The following CHN1 variants were observed in gnomAD, a reference collection of about 807,000 sequenced individuals.
The protein encoded by CHN1 is N-chimaerin.
CHN1 carries 37 observed loss-of-function variants against 59.5 expected under a neutral mutation model. That is an observed-to-expected ratio of 0.62 (90% CI 0.48 to 0.82). CHN1 has a LOEUF of 0.82. CHN1 is among the 40% of genes least tolerant of loss of function. The pLI, the probability that CHN1 is intolerant of heterozygous loss-of-function variation, is 0.00. For missense variants in CHN1, 469 were observed against 571.0 expected (o/e 0.82, Z 1.82); for synonymous variants, 206 against 200.4 (o/e 1.03, Z -0.24).
chr2:174,965,640 A>T (rs1029123843), intron 1 of CHN1, among the ~76,000 whole-genome samples: 15 of 152,224 alleles, frequency 9.9e-5, no homozygotes, highest in South Asian at 2.1e-4. Flanking sequence ...TTTGAATTGT[A>T]TAAACAGAAT....
intron 1 of CHN1, among the ~76,000 whole-genome samples, chr2:174,956,022 A>T (rs1041180328): frequency 3.3e-5 from 5 of 152,196 alleles, no homozygotes; most frequent in African/African-American, 1.2e-4. Context: ...ATGTATCCCC[A>T]TATCTAAAAT....
At chr2:174,836,516 G>A (rs1686086600) in intron 7 of CHN1, among the ~76,000 whole-genome samples, 1 of 152,092 alleles carries the variant, frequency 6.6e-6, no homozygotes. Flanking sequence ...GGATTCTTTT[G>A]TCATCCATGT....
At chr2:174,837,811 C>T (rs1029211204) in intron 7 of CHN1, among the ~76,000 whole-genome samples, 1 of 152,222 alleles carries the variant, frequency 6.6e-6, no homozygotes, top group Admixed American at 6.5e-5. Context: ...CATTGCTTGT[C>T]ACGTTTTCAT....
intron 5 of CHN1, among the ~76,000 whole-genome samples, chr2:174,904,942 TGG>T (rs1275159428): frequency 6.6e-6 from 1 of 152,186 alleles, no homozygotes; most frequent in African/African-American, 2.4e-5. Context: ...CCAGTCACAC[TGG>T]GCCATGATCA....
intron 7 of CHN1, among the ~76,000 whole-genome samples, chr2:174,830,143 G>C (rs999030782): frequency 5.9e-5 from 9 of 152,098 alleles, no homozygotes; most frequent in Admixed American, 5.9e-4. Flanking sequence ...TGAGGCAGGA[G>C]AATGGCATGA....
rs35826463 is a variant in CHN1, at chr2:174,975,655, C to CAA, written c.20-23455_20-23454dup. On this transcript the variant is annotated intron_variant, in intron 1 of 12. Coordinates refer to ENST00000409900, the MANE Select transcript of CHN1 (RefSeq NM_001822.7). ...AGCCAGGCAAAAAAAACAAAACAAA[C>CAA]AAAAAAAAAAAAAACAGAAGCAATG... Among the ~76,000 whole-genome samples, 261 of 125,116 alleles carry CAA rather than the reference C, an allele frequency of 2.1e-3. 1 individual carries two copies. The highest frequency in any genetic ancestry group is 7.2e-3 in the African/African-American group (236 of 32,614). 82.1% of individuals were successfully genotyped at this position (125,116 alleles called of 152,430 possible).
intron 5 of CHN1, among the ~76,000 whole-genome samples, chr2:174,878,521 G>T (rs1687643074): frequency 6.6e-6 from 1 of 152,064 alleles, no homozygotes; most frequent in Non-Finnish European, 1.5e-5. Context: ...TCTTCAAGTT[G>T]ATCAATAAGA....
chr2:174,870,008 A>G (rs2105463896), intron 6 of CHN1, among the ~76,000 whole-genome samples: 1 of 152,340 alleles, frequency 6.6e-6, no homozygotes, highest in East Asian at 1.9e-4. Context: ...TAAGTATAAG[A>G]TGAAGTAATG....
intron 3 of CHN1, among the ~76,000 whole-genome samples, chr2:174,929,660 C>CA (rs1689276832): frequency 6.6e-6 from 1 of 151,888 alleles, no homozygotes; most frequent in Admixed American, 6.6e-5. Flanking sequence ...TTTCAGTTTT[C>CA]AAAAAATCAG....
chr2:174,880,541 A>C (rs1196222228), intron 5 of CHN1, among the ~76,000 whole-genome samples: 1 of 152,188 alleles, frequency 6.6e-6, no homozygotes, highest in Non-Finnish European at 1.5e-5. Flanking sequence ...AGAGCCATAA[A>C]GGGGGAGATT....
At position 174,800,272 on chromosome 2, in the gene CHN1, T is replaced by C; in HGVS notation, c.1224A>G (p.Glu408=). 7.0e-7 allele frequency: 1 copy of C among 1,436,622 alleles called. No homozygotes were observed. The highest frequency in any genetic ancestry group is 1.4e-5 in the African/African-American group (1 of 70,426). 89.0% of individuals were successfully genotyped at this position (1,436,622 alleles called of 1,614,324 possible). A position where few individuals can be genotyped will look rare whatever the true frequency, so the allele number is the denominator to read the frequency against. The part of the protein sequence containing the change: ...MAHLKRVTLH[E]KENLMNAENL... ...TCTCTGCATTCATAAGATTCTCCTT[T>C]TCGTGGAGGGTCACTCTGAAAAATG... Residue 408 remains glutamate, a synonymous_variant, in exon 13 of 13, where the codon GAA becomes GAG. Coordinates refer to ENST00000409900, the MANE Select transcript of CHN1 (RefSeq NM_001822.7).
intron 5 of CHN1, among the ~76,000 whole-genome samples, chr2:174,878,784 T>C (rs1349466888): frequency 1.3e-5 from 2 of 152,270 alleles, no homozygotes; most frequent in Non-Finnish European, 2.9e-5. Flanking sequence ...TTGAAATACA[T>C]ACGGCACAAA....
Position 174,963,493 on chromosome 2 carries a change from G to A in CHN1, c.20-11291C>T, listed in dbSNP as rs573811204. ...GCAGAAGGACACTAAACAGAGGAGA[G>A]AACACAGTGAAAAAGAGGGCAGAAA... On this transcript the variant is annotated intron_variant, in intron 1 of 12. Transcript: ENST00000409900. 6.6e-5 allele frequency among the ~76,000 whole-genome samples: 10 copies of A among 152,266 alleles called. No homozygotes were observed. In the South Asian group the frequency reaches 2.1e-3, roughly 32 times the overall value.
chr2:174,834,036 G>T (rs1018828035), intron 7 of CHN1, among the ~76,000 whole-genome samples: 1 of 152,030 alleles, frequency 6.6e-6, no homozygotes, highest in Non-Finnish European at 1.5e-5. Flanking sequence ...AAACCCCAGG[G>T]CTCAAACTGT....
At chr2:174,854,387 A>G (rs1385744630) in intron 6 of CHN1, among the ~76,000 whole-genome samples, 1 of 152,082 alleles carries the variant, frequency 6.6e-6, no homozygotes, top group Admixed American at 6.6e-5. Context: ...GAAATAGGTG[A>G]CCTTGAATAG....
chr2:174,904,187 C>T (rs1302469854), intron 5 of CHN1, among the ~76,000 whole-genome samples: 1 of 151,548 alleles, frequency 6.6e-6, no homozygotes, highest in Non-Finnish European at 1.5e-5. Flanking sequence ...CGCTTGAACC[C>T]GGGAGGTGGA....
In CHN1 at chr2:174,920,792, T is replaced by C. The variant is rs142602903; in HGVS notation, c.115-2227A>G. 2.6e-3 allele frequency among the ~76,000 whole-genome samples: 391 copies of C among 152,262 alleles called. 1 individual carries two copies. Among genetic ancestry groups the C allele is most frequent in the Non-Finnish European group, 4.5e-3 (305 of 67,998 alleles). The stretch of plus-strand genomic sequence containing the variant: ...ACCAGGGCAGGAGCGGGGGTATGGT[T>C]TCAGGATGATTCAAGCACATTGCAC... On this transcript the variant is annotated intron_variant, in intron 3 of 12. Coordinates refer to ENST00000409900, the MANE Select transcript of CHN1 (RefSeq NM_001822.7).
intron 11 of CHN1, among the ~76,000 whole-genome samples, chr2:174,802,864 C>T (rs938037699): frequency 2.6e-5 from 4 of 152,006 alleles, no homozygotes; most frequent in African/African-American, 7.3e-5. Flanking sequence ...ATGGTGAAAC[C>T]CCGTCTCTAC....
intron 7 of CHN1, among the ~76,000 whole-genome samples, chr2:174,824,721 C>T (rs1447646475): frequency 6.6e-6 from 1 of 152,100 alleles, no homozygotes; most frequent in Non-Finnish European, 1.5e-5. Context: ...AGTGATCCTC[C>T]CACCTCAGCC....
Sources: allele counts gnomAD v4.1 joint callset (sites outside exome capture counted in the v4.1 genomes callset), GRCh38; gene constraint gnomAD v4.1.1; transcripts MANE v1.5; gene names NCBI Gene and HGNC (gene_info 2026-07-23, HGNC 2026-07-21).